The following B3GALT1 variants were observed in gnomAD, a reference collection of about 807,000 sequenced individuals.
B3GALT1 encodes the protein UDP-Gal:betaGlcNAc beta 1,3-galactosyltransferase, polypeptide 1.
In B3GALT1, 10 loss-of-function variants were observed where a neutral mutation model predicts 23.2. The ratio of observed to expected loss-of-function variants is 0.43; its 90% CI spans 0.27 to 0.73. B3GALT1 has a LOEUF of 0.73. Among genes scored for constraint, B3GALT1 ranks in the 30% least tolerant of loss-of-function variants. The pLI is 0.21. For missense variants in B3GALT1, 299 were observed against 405.4 expected (o/e 0.74, Z 2.25); for synonymous variants, 156 against 141.5 (o/e 1.10, Z -0.73).
chr2:167,296,866 T>C (rs932142112), intron 1 of B3GALT1, among the ~76,000 whole-genome samples: 3 of 152,148 alleles, frequency 2.0e-5, no homozygotes, highest in African/African-American at 4.8e-5. Context: ...ATAACTTATA[T>C]AGAATATTTA....
At chr2:167,470,946 A>G (rs114960629) in intron 1 of B3GALT1, among the ~76,000 whole-genome samples, 54 of 152,312 alleles carry the variant, frequency 3.5e-4, no homozygotes, top group African/African-American at 1.2e-3. Flanking sequence ...TTCCACAAAG[A>G]AAACAGTTTC....
chr2:167,375,266 G>T (rs559338368), intron 1 of B3GALT1, among the ~76,000 whole-genome samples: 1 of 152,172 alleles, frequency 6.6e-6, no homozygotes, highest in East Asian at 1.9e-4. Context: ...TTGAAGTCAG[G>T]TAAAATGGTA....
chr2:167,690,210 A>C (rs1197299623), intron 3 of B3GALT1, among the ~76,000 whole-genome samples: 2 of 152,154 alleles, frequency 1.3e-5, no homozygotes, highest in East Asian at 3.9e-4. Context: ...ATGATTTAAA[A>C]AAATCAAAAT....
intron 3 of B3GALT1, among the ~76,000 whole-genome samples, chr2:167,667,659 C>G (rs1046965063): frequency 2.0e-5 from 3 of 152,148 alleles, no homozygotes; most frequent in African/African-American, 7.2e-5. Flanking sequence ...TCTTTTTATT[C>G]TTGTTTCTCT....
intron 1 of B3GALT1, among the ~76,000 whole-genome samples, chr2:167,394,438 A>G (rs1038734598): frequency 7.9e-5 from 12 of 152,182 alleles, no homozygotes; most frequent in Non-Finnish European, 1.3e-4. Flanking sequence ...TCTAAAATAC[A>G]ATTATCTATT....
intron 3 of B3GALT1, among the ~76,000 whole-genome samples, chr2:167,775,681 TACAC>T (rs147735818): frequency 5.3e-5 from 8 of 150,262 alleles, no homozygotes; most frequent in Non-Finnish European, 1.0e-4. Flanking sequence ...TTTGAAAGTA[TACAC>T]ACACACACAC....
chr2:167,379,660 C>T (rs973962325), intron 1 of B3GALT1, among the ~76,000 whole-genome samples: 3 of 152,148 alleles, frequency 2.0e-5, no homozygotes, highest in African/African-American at 7.2e-5. Flanking sequence ...TGATTGTTAC[C>T]TCAGACAATG....
At chr2:167,313,882 A>G (rs1259496718) in intron 1 of B3GALT1, among the ~76,000 whole-genome samples, 1 of 152,162 alleles carries the variant, frequency 6.6e-6, no homozygotes, top group East Asian at 1.9e-4. Flanking sequence ...AAGAAAAGTA[A>G]AACTTGTCTC....
intron 1 of B3GALT1, among the ~76,000 whole-genome samples, chr2:167,295,226 G>A (rs1574021120): frequency 6.6e-6 from 1 of 152,144 alleles, no homozygotes; most frequent in Non-Finnish European, 1.5e-5. Flanking sequence ...ATTTGGACTA[G>A]TAAAAAATTG....
At chr2:167,401,585 G>A (rs1698192782) in intron 1 of B3GALT1, among the ~76,000 whole-genome samples, 1 of 152,066 alleles carries the variant, frequency 6.6e-6, no homozygotes, top group Non-Finnish European at 1.5e-5. Flanking sequence ...CTAATTCACT[G>A]CATCCCCAAC....
chr2:167,562,298 G>T (rs958370750), intron 2 of B3GALT1, among the ~76,000 whole-genome samples: 15 of 152,120 alleles, frequency 9.9e-5, no homozygotes, highest in Admixed American at 3.3e-4. Context: ...GTATTGATGG[G>T]ACATATCTCA....
At chr2:167,577,587 T>C (rs1350994680) in intron 2 of B3GALT1, among the ~76,000 whole-genome samples, 2 of 151,880 alleles carry the variant, frequency 1.3e-5, no homozygotes, top group Non-Finnish European at 2.9e-5. Context: ...CCATGCTGCA[T>C]GGATTCATAA....
chr2:167,413,881 GTT>G (rs1430577942), intron 1 of B3GALT1, among the ~76,000 whole-genome samples: 1 of 151,510 alleles, frequency 6.6e-6, no homozygotes, highest in East Asian at 1.9e-4. Context: ...TTTCTTCTTG[GTT>G]TAAAAGGAAT....
At chr2:167,567,747 G>A (rs986194740) in intron 2 of B3GALT1, among the ~76,000 whole-genome samples, 6 of 151,646 alleles carry the variant, frequency 4.0e-5, no homozygotes, top group South Asian at 2.1e-4. Flanking sequence ...ATTATCCCCC[G>A]AAGTCCATAG....
Position 167,455,940 on chromosome 2 carries a change from C to G in B3GALT1, c.-510-34237C>G, listed in dbSNP as rs867133261. The stretch of plus-strand genomic sequence containing the variant: ...GCCCAACCAACACATATATAATCAC[C>G]TAATTTATGGCAAAGAGACCTACAG... On this transcript the variant is annotated intron_variant, in intron 1 of 4. Coordinates refer to ENST00000392690, the MANE Select transcript of B3GALT1 (RefSeq NM_020981.4). 3.3e-5 allele frequency among the ~76,000 whole-genome samples: 5 copies of G among 152,212 alleles called. No homozygotes were observed. The South Asian group carries it at 6.2e-4, about 19-fold the overall frequency.
At chr2:167,514,225 AAAAT>A (rs1700069398) in intron 2 of B3GALT1, among the ~76,000 whole-genome samples, 2 of 152,220 alleles carry the variant, frequency 1.3e-5, no homozygotes, top group African/African-American at 2.4e-5. Context: ...TTTAAACTTT[AAAAT>A]AATTTTCAAA....
chr2:167,608,362 A>G (rs1010799539), intron 2 of B3GALT1, among the ~76,000 whole-genome samples: 7 of 152,166 alleles, frequency 4.6e-5, no homozygotes, highest in African/African-American at 2.4e-5. Context: ...GGCGTATAGC[A>G]TAACTTAGTA....
intron 2 of B3GALT1, among the ~76,000 whole-genome samples, chr2:167,578,480 C>G (rs1253436436): frequency 6.6e-6 from 1 of 151,258 alleles, no homozygotes; most frequent in African/African-American, 2.4e-5. Flanking sequence ...CAGGATTTTC[C>G]TGATTGCATC....
chr2:167,742,059 G>A (rs575213234), intron 3 of B3GALT1, among the ~76,000 whole-genome samples: 11 of 152,264 alleles, frequency 7.2e-5, no homozygotes, highest in Admixed American at 3.9e-4. Flanking sequence ...AATGACTCTA[G>A]AAGTTTCTAC....
Sources: allele counts gnomAD v4.1 joint callset (sites outside exome capture counted in the v4.1 genomes callset), GRCh38; gene constraint gnomAD v4.1.1; transcripts MANE v1.5; gene names NCBI Gene and HGNC (gene_info 2026-07-23, HGNC 2026-07-21).